Variants in DNAH5 observed in about 807,000 individuals in gnomAD.
DNAH5 encodes the protein axonemal beta dynein heavy chain 5.
DNAH5 carries 372 observed loss-of-function variants against 518.2 expected under a neutral mutation model. The ratio of observed to expected loss-of-function variants is 0.72; its 90% CI spans 0.66 to 0.78. DNAH5 has a LOEUF of 0.78. Ranked by LOEUF, DNAH5 falls within the 30% of genes least tolerant of loss-of-function variation. DNAH5 has a pLI of 0.00. For synonymous variants in DNAH5, 2,039 were observed against 2,025.9 expected (o/e 1.01, Z -0.17); for missense variants, 5,523 against 5,687.0 (o/e 0.97, Z 0.93).
chr5:13,938,373 T>C (rs1779145547), intron 1 of DNAH5, among the ~76,000 whole-genome samples: 1 of 152,098 alleles, frequency 6.6e-6, no homozygotes, highest in Non-Finnish European at 1.5e-5. Context: ...ACATGAAGGG[T>C]AGATACAGTA....
At chr5:13,985,498 C>T (rs1321154613) in intron 1 of DNAH5, among the ~76,000 whole-genome samples, 1 of 146,404 alleles carries the variant, frequency 6.8e-6, no homozygotes, top group Non-Finnish European at 1.5e-5. Flanking sequence ...CCAAGAGCTT[C>T]CAGAAAGATG....
chr5:13,768,583 G>T (rs917177944), intron 58 of DNAH5, among the ~76,000 whole-genome samples: 1 of 152,106 alleles, frequency 6.6e-6, no homozygotes. Context: ...GACAGAAAAC[G>T]TCGTATCTTA....
intron 6 of DNAH5, among the ~76,000 whole-genome samples, chr5:13,919,687 T>G (rs373543147): frequency 6.6e-6 from 1 of 152,212 alleles, no homozygotes; most frequent in African/African-American, 2.4e-5. Context: ...ATGTGAGTAT[T>G]TGTTATATAT....
At chr5:13,796,228 G>T (rs1295527121) in intron 47 of DNAH5, among the ~76,000 whole-genome samples, 3 of 152,086 alleles carry the variant, frequency 2.0e-5, no homozygotes, top group Admixed American at 1.3e-4. Context: ...AGAAATAAAG[G>T]GTATTCGATT....
chr5:13,839,463 G>C lies in DNAH5; in HGVS notation c.5775C>G (p.Asn1925Lys), dbSNP rs112389411. 4.3e-6 allele frequency: 7 copies of C among 1,613,824 alleles called. No individual in the cohort carries two copies. The highest frequency in any genetic ancestry group is 5.9e-6 in the Non-Finnish European group (7 of 1,179,870). Residue 1925 changes from asparagine (N) to lysine (K), a missense_variant, in exon 35 of 79, where the codon AAC becomes AAG. Coordinates refer to ENST00000265104, the MANE Select transcript of DNAH5 (RefSeq NM_001369.3). The stretch of plus-strand genomic sequence containing the variant: ...GAATCATCATCTTGTCAGAATCTTC[G>C]TTAAAGTAAAATCTGCACTGTTTCA... ...EWLKQCRFYF[N>K]EDSDKMMIHI...
rs374806412 is a variant in DNAH5, at chr5:13,810,767, AAC to A, written c.7408-509_7408-508del. ...AGACTCCATGTCAAAAAACAAAACA[AAC>A]AAACAAAAAAACAGGGTTTATCGCA... On this transcript the variant is annotated intron_variant, in intron 44 of 78. Coordinates refer to ENST00000265104, the MANE Select transcript of DNAH5 (RefSeq NM_001369.3). 1.8e-3 allele frequency among the ~76,000 whole-genome samples: 242 copies of A among 135,708 alleles called. 3 individuals are homozygous for A. The highest frequency in any genetic ancestry group is 6.4e-3 in the African/African-American group (236 of 37,082). 89.0% of individuals were successfully genotyped at this position (135,708 alleles called of 152,430 possible). A position where few individuals can be genotyped will look rare whatever the true frequency, so the allele number is the denominator to read the frequency against.
chr5:13,880,461 G>A (rs1210100251), intron 21 of DNAH5, among the ~76,000 whole-genome samples: 4 of 151,810 alleles, frequency 2.6e-5, no homozygotes, highest in Non-Finnish European at 5.9e-5. Flanking sequence ...AAAGTTAAGA[G>A]GCAAAACTAC....
At chr5:13,828,038 A>G (rs1763130874) in intron 38 of DNAH5, among the ~76,000 whole-genome samples, 1 of 152,248 alleles carries the variant, frequency 6.6e-6, no homozygotes, top group South Asian at 2.1e-4. Flanking sequence ...AGTCTCAGGT[A>G]TGTCTTTATT....
chr5:13,770,775 A>C lies in DNAH5; in HGVS notation c.9579T>G (p.His3193Gln). Reference sequence around the variant, plus strand: ...TGTTGGCCAGGGTCCGCACCTCCACATGCTTTTCTCCATATATGAACTTAT... The same window carrying C: ...TGTTGGCCAGGGTCCGCACCTCCACCTGCTTTTCTCCATATATGAACTTAT... ...QGYKFIYGEK[H>Q]VEVRTLANRM... Residue 3193 changes from histidine (H) to glutamine (Q), a missense_variant, in exon 56 of 79, where the codon CAT becomes CAG. Around this residue, in one of 3 missense-constraint regions of DNAH5, gnomAD observed 5,121 missense variants for 5,223.3 expected, o/e 0.98. Coordinates refer to ENST00000265104, the MANE Select transcript of DNAH5 (RefSeq NM_001369.3). The C allele has an allele frequency of 6.2e-7, 1 of 1,614,030 alleles. No homozygotes were observed. The highest frequency in any genetic ancestry group is 8.5e-7 in the Non-Finnish European group (1 of 1,179,960).
At position 13,753,218 on chromosome 5, in the gene DNAH5, T is replaced by G. The variant is rs528801757; in HGVS notation, c.10872+15A>C. The G allele has an allele frequency of 1.2e-6, 2 of 1,605,774 alleles. No homozygotes were observed. The highest frequency in any genetic ancestry group is 2.7e-5 in the African/African-American group (2 of 74,876). On this transcript the variant is annotated intron_variant, in intron 63 of 78. Coordinates refer to ENST00000265104, the MANE Select transcript of DNAH5 (RefSeq NM_001369.3). ...AACTTAACCGGTAGCATAAACATAC[T>G]AAAACACAAATTACCTGGAGTTCAT...
At chr5:13,959,012 G>A (rs1780965438) in intron 1 of DNAH5, among the ~76,000 whole-genome samples, 1 of 152,176 alleles carries the variant, frequency 6.6e-6, no homozygotes, top group African/African-American at 2.4e-5. Context: ...AGGCTGGAGT[G>A]CAGTGGTGCG....
chr5:13,841,306 T>G (rs1448529017), intron 33 of DNAH5, among the ~76,000 whole-genome samples, 176 bp from the exon 34 acceptor site: 2 of 152,220 alleles, frequency 1.3e-5, no homozygotes, highest in Non-Finnish European at 2.9e-5. Flanking sequence ...TTTGAGTCAT[T>G]TATGTTGAAG....
At chr5:13,952,062 A>C (rs1780457448) in intron 1 of DNAH5, among the ~76,000 whole-genome samples, 1 of 152,222 alleles carries the variant, frequency 6.6e-6, no homozygotes, top group Non-Finnish European at 1.5e-5. Context: ...CTCAAGAGAC[A>C]TCTTCTAAAA....
chr5:13,714,280 G>T (rs760696431), intron 75 of DNAH5, 125 bp downstream of exon 75: 162 of 1,027,876 alleles, frequency 1.6e-4, no homozygotes, highest in Admixed American at 3.9e-4. Context: ...TTAAGAAGCT[G>T]GTTTTTAAAA....
intron 16 of DNAH5, among the ~76,000 whole-genome samples, chr5:13,893,785 A>G (rs1773560247): frequency 6.6e-6 from 1 of 152,038 alleles, no homozygotes. Context: ...CAGGAGGTAG[A>G]GTAATCAGAG....
chr5:13,740,875 G>T (rs1290279400), intron 65 of DNAH5, among the ~76,000 whole-genome samples: 1 of 152,016 alleles, frequency 6.6e-6, no homozygotes, highest in Non-Finnish European at 1.5e-5. Flanking sequence ...ACCTTTTATG[G>T]CATTTACCAC....
intron 78 of DNAH5, among the ~76,000 whole-genome samples, chr5:13,694,431 G>A (rs1156478464): frequency 6.6e-6 from 1 of 152,128 alleles, no homozygotes; most frequent in East Asian, 1.9e-4. Flanking sequence ...CCATCCCCCT[G>A]CTTAGACAAA....
intron 3 of DNAH5, among the ~76,000 whole-genome samples, chr5:13,925,832 A>G (rs1777809745): frequency 6.6e-6 from 1 of 152,168 alleles, no homozygotes; most frequent in Non-Finnish European, 1.5e-5. Context: ...TCCTACTTTT[A>G]CCTCAGGTCA....
chr5:13,782,968 G>A (rs1299731565), intron 52 of DNAH5, among the ~76,000 whole-genome samples: 2 of 152,166 alleles, frequency 1.3e-5, no homozygotes, highest in Admixed American at 1.3e-4. Flanking sequence ...AGGAGCTCAC[G>A]CTGGAACAGG....
Sources: gnomAD v4.1 joint callset for allele counts (sites outside exome capture counted in the v4.1 genomes callset) on GRCh38, gnomAD v4.1.1 for gene constraint, gnomAD v4.1.1 regional missense constraint, MANE v1.5 for transcripts, NCBI Gene and HGNC (gene_info 2026-07-23, HGNC 2026-07-21) for gene names.